KCNC4: variants seen among roughly 807,000 people sequenced by gnomAD.
KCNC4 encodes potassium voltage-gated channel subfamily C member 4.
KCNC4 carries 23 observed loss-of-function variants against 42.8 expected under a neutral mutation model. That is an observed-to-expected ratio of 0.54 (90% confidence interval 0.39 to 0.76). The LOEUF (loss-of-function observed/expected upper bound fraction) is 0.76, where lower values mean the gene tolerates loss of function less well. KCNC4 is among the 30% of genes least tolerant of loss of function. KCNC4 has a pLI of 0.00. For synonymous variants in KCNC4, 422 were observed against 393.5 expected (o/e 1.07, Z -0.86); for missense variants, 751 against 898.2 (o/e 0.84, Z 2.10).
At chr1:110,239,454 G>C (rs906532739) in exon 4 of KCNC4, 2 of 152,196 alleles carry the variant, frequency 1.3e-5, no homozygotes, top group Non-Finnish European at 2.9e-5. Context: ...GCCTCTGTCA[G>C]TTTCCATCAC....
Position 110,233,049 on chromosome 1 carries a change from AATCTTTTCG to A in KCNC4, c.*78_*86del. ...AGGGAAACTCTGGAACCCAGACAAG[AATCTTTTCG>A]CTGGGAAAGACTCAGATATCCTTGT... On this transcript the variant is annotated 3_prime_UTR_variant, in exon 4 of 4. Coordinates refer to ENST00000438661, the MANE Select transcript of KCNC4 (RefSeq NM_001039574.3). 6.6e-7 allele frequency: 1 copy of A among 1,520,800 alleles called. No homozygotes were observed. Among genetic ancestry groups the A allele is most frequent in the East Asian group, 2.4e-5 (1 of 41,512 alleles). 94.2% of individuals were successfully genotyped at this position (1,520,800 alleles called of 1,614,324 possible). A position where few individuals can be genotyped will look rare whatever the true frequency, so the allele number is the denominator to read the frequency against.
intron 1 of KCNC4, among the ~76,000 whole-genome samples, chr1:110,215,819 C>T (rs1162135830): frequency 2.6e-5 from 4 of 152,196 alleles, no homozygotes; most frequent in Non-Finnish European, 4.4e-5. Context: ...TTCTCAAGGT[C>T]GCACCACTTG....
At chr1:110,278,202 A>G (rs1426179347) in intron 1 of KCNC4, among the ~76,000 whole-genome samples, 2 of 151,984 alleles carry the variant, frequency 1.3e-5, no homozygotes, top group Non-Finnish European at 2.9e-5. Flanking sequence ...GAAGGAGGAA[A>G]AAAAAAAGAG....
At chr1:110,281,202 G>T (rs753845630) in intron 1 of KCNC4, among the ~76,000 whole-genome samples, 1 of 152,124 alleles carries the variant, frequency 6.6e-6, no homozygotes, top group South Asian at 2.1e-4. Context: ...TGCTTGGAGC[G>T]GGGAAGGGGG....
chr1:110,212,103 T>A lies in KCNC4; in HGVS notation c.604T>A (p.Ser202Thr). The change falls in exon 1 of 4, where the codon TCT becomes ACT. Residue 202 changes from serine to threonine, a missense_variant. Coordinates refer to ENST00000438661, the MANE Select transcript of KCNC4 (RefSeq NM_001039574.3). Reference protein sequence around the residue: ...HEGGAGHGAGSGGCRGWQPRM... With the variant: ...HEGGAGHGAGTGGCRGWQPRM... The stretch of plus-strand genomic sequence containing the variant: ...GGGAGGCGCGGGCCATGGCGCCGGG[T>A]CTGGGGGCTGCCGCGGCTGGCAGCC... 1 of 1,508,924 alleles carries A rather than the reference T, an allele frequency of 6.6e-7. No homozygotes were observed. The highest frequency in any genetic ancestry group is 8.8e-7 in the Non-Finnish European group (1 of 1,142,492). The allele number at this position is 1,508,924 out of a possible 1,614,324, so 93.5% of individuals were successfully genotyped here.
intron 1 of KCNC4, among the ~76,000 whole-genome samples, chr1:110,260,562 G>A (rs1337079808): frequency 6.6e-6 from 1 of 152,146 alleles, no homozygotes; most frequent in African/African-American, 2.4e-5. Flanking sequence ...ATATTTCTGG[G>A]GTGACCCTTT....
chr1:110,231,983 C>T (rs758254587), intron 3 of KCNC4, among the ~76,000 whole-genome samples: 5 of 152,118 alleles, frequency 3.3e-5, no homozygotes, highest in Non-Finnish European at 7.4e-5. Context: ...ACCTCAGACC[C>T]GAGAGCTGCA....
intron 3 of KCNC4, among the ~76,000 whole-genome samples, chr1:110,227,670 C>T (rs982205998): frequency 2.0e-5 from 3 of 152,222 alleles, no homozygotes; most frequent in Admixed American, 6.5e-5. Flanking sequence ...CTGGCTGGAC[C>T]GTGCTAAGCA....
At chr1:110,222,621 A>G (rs1279981736) in intron 1 of KCNC4, 2 of 259,168 alleles carry the variant, frequency 7.7e-6, no homozygotes, top group African/African-American at 4.3e-5. Context: ...GCATTGTAAC[A>G]AGATTCCCAT....
chr1:110,276,260 CAT>C (rs1659722612), intron 1 of KCNC4, among the ~76,000 whole-genome samples: 1 of 127,720 alleles, frequency 7.8e-6, no homozygotes, highest in Non-Finnish European at 1.6e-5. Flanking sequence ...ATAATATATC[CAT>C]GTAAAAAAAG....
intron 1 of KCNC4, among the ~76,000 whole-genome samples, chr1:110,217,043 G>A (rs1161521893): frequency 1.3e-5 from 2 of 152,190 alleles, no homozygotes; most frequent in Non-Finnish European, 2.9e-5. Context: ...CACTTACTGC[G>A]TACTTACCAT....
chr1:110,271,761 G>A (rs182812248), intron 1 of KCNC4, among the ~76,000 whole-genome samples: 150 of 152,288 alleles, frequency 9.8e-4, no homozygotes, highest in Non-Finnish European at 1.8e-3. Flanking sequence ...TGGGGAAGAA[G>A]GGGGTTGAGG....
At chr1:110,215,431 C>G (rs1657744892) in intron 1 of KCNC4, among the ~76,000 whole-genome samples, 1 of 152,214 alleles carries the variant, frequency 6.6e-6, no homozygotes, top group Admixed American at 6.5e-5. Flanking sequence ...GAAACCTGCA[C>G]CTTCTTTTCT....
intron 1 of KCNC4, among the ~76,000 whole-genome samples, chr1:110,213,197 A>AAAAAAAAAAAAAT: frequency 6.8e-6 from 1 of 147,162 alleles, no homozygotes; most frequent in Non-Finnish European, 1.5e-5. Flanking sequence ...AAAAAAAAAA[A>AAAAAAAAAAAAAT]TCCCTGAAGG....
intron 1 of KCNC4, among the ~76,000 whole-genome samples, chr1:110,263,836 G>T (rs940501558): frequency 6.6e-6 from 1 of 151,130 alleles, no homozygotes; most frequent in Admixed American, 6.6e-5. Context: ...GGGGGGAGCT[G>T]AATGGGGGTC....
downstream of KCNC4, chr1:110,238,079 T>C (rs1658948844): frequency 6.6e-6 from 1 of 152,232 alleles, no homozygotes; most frequent in South Asian, 2.1e-4. Flanking sequence ...GACCCAGCTT[T>C]AGGGGGTGAG....
chr1:110,280,455 G>A (rs375098471), intron 1 of KCNC4, among the ~76,000 whole-genome samples: 4 of 152,168 alleles, frequency 2.6e-5, no homozygotes, highest in South Asian at 2.1e-4. Context: ...TAGGGAAGGC[G>A]GAAACAAGTC....
Position 110,223,812 on chromosome 1 carries a change from G to A in KCNC4, c.1527G>A (p.Lys509=). ...PAQLESPMYC[K]SEETSPRDST... is the part of the protein sequence containing the mutation. ...AGCTGGAGTCACCCATGTACTGCAA[G>A]TCTGAGGAGACTTCCCCCCGGGACA... is the stretch of plus-strand genomic sequence containing the variant. The change falls in exon 2 of 4, where the codon AAG becomes AAA. Residue 509 remains lysine (K), a synonymous_variant. Coordinates refer to ENST00000438661, the MANE Select transcript of KCNC4 (RefSeq NM_001039574.3). The surrounding 1 kb of genome is among the most constrained non-coding windows in gnomAD (Gnocchi z 7.5). The A allele has an allele frequency of 6.2e-7, 1 of 1,613,916 alleles. No homozygotes were observed. Among genetic ancestry groups the A allele is most frequent in the Non-Finnish European group, 8.5e-7 (1 of 1,179,822 alleles).
At chr1:110,226,375 G>A in intron 3 of KCNC4, 197 bp downstream of exon 3, 1 of 614,684 alleles carries the variant, frequency 1.6e-6, no homozygotes, top group East Asian at 2.8e-5. Flanking sequence ...ATCTCAGAAG[G>A]GCACACGGCT....
Sources: gnomAD v4.1 joint callset for allele counts (sites outside exome capture counted in the v4.1 genomes callset) on GRCh38, gnomAD v4.1.1 for gene constraint, Gnocchi (gnomAD v3.1) non-coding constraint, MANE v1.5 for transcripts, NCBI Gene and HGNC (gene_info 2026-07-23, HGNC 2026-07-21) for gene names.